Variants in NOL10 observed in about 807,000 individuals in gnomAD.
NOL10 encodes H_NH0074G24.1.
In NOL10, 58 loss-of-function variants were observed where a neutral mutation model predicts 103.5. That is an observed-to-expected ratio of 0.56 (90% CI 0.45 to 0.70). The LOEUF is 0.70. NOL10 is among the 30% of genes least tolerant of loss of function. The pLI, the probability that NOL10 is intolerant of heterozygous loss-of-function variation, is 0.00. For synonymous variants in NOL10, 287 were observed against 282.5 expected, an observed-to-expected ratio of 1.02 and a Z score of -0.16; for missense variants, 763 against 807.3, an observed-to-expected ratio of 0.95 and a Z score of 0.67.
At chr2:10,586,319 G>A (rs1675020460) in intron 19 of NOL10, among the ~76,000 whole-genome samples, 1 of 151,916 alleles carries the variant, frequency 6.6e-6, no homozygotes, top group East Asian at 1.9e-4. Flanking sequence ...TGAATTGTAT[G>A]CTACATTACT....
intron 12 of NOL10, among the ~76,000 whole-genome samples, chr2:10,654,049 T>C (rs1195759738): frequency 1.3e-5 from 2 of 152,194 alleles, no homozygotes; most frequent in South Asian, 2.1e-4. Context: ...GCATACAACT[T>C]AGAATTTACA....
chr2:10,679,358 TC>T (rs1364023216), intron 3 of NOL10, among the ~76,000 whole-genome samples: 2 of 98,182 alleles, frequency 2.0e-5, no homozygotes, highest in Non-Finnish European at 3.8e-5. Flanking sequence ...AAACTCTGCC[TC>T]AAAAAAAAAA....
chr2:10,589,228 A>C lies in NOL10; in HGVS notation c.1659T>G (p.Asp553Glu). 1 of 1,613,850 alleles carries C rather than the reference A, an allele frequency of 6.2e-7. No individual in the cohort carries two copies. Among genetic ancestry groups the C allele is most frequent in the Non-Finnish European group, 8.5e-7 (1 of 1,179,872 alleles). The change falls in exon 19 of 21, where the codon GAT (aspartate) becomes GAG (glutamate). Residue 553 changes from aspartate (D) to glutamate (E), a missense_variant. Transcript: ENST00000381685. ...TGACCTCTTCAACCCAGGCTTTTTCATCATCTGAACTCTCCGAACTTTCTG... is the reference window on the plus strand; with the variant it reads ...TGACCTCTTCAACCCAGGCTTTTTCCTCATCTGAACTCTCCGAACTTTCTG... Reference protein sequence around the residue: ...SDAESSESSDDEKAWVEEVRK... With the variant: ...SDAESSESSDEEKAWVEEVRK...
intron 9 of NOL10, among the ~76,000 whole-genome samples, chr2:10,660,022 AG>A (rs1319373544): frequency 6.6e-6 from 1 of 152,186 alleles, no homozygotes; most frequent in Non-Finnish European, 1.5e-5. Context: ...CAGCACCAAA[AG>A]CAATGATCTC....
At chr2:10,592,016 A>C (rs1558274751) in intron 17 of NOL10, among the ~76,000 whole-genome samples, 1 of 151,718 alleles carries the variant, frequency 6.6e-6, no homozygotes. Context: ...ACAAACAAAC[A>C]AACAAACAAA....
chr2:10,649,925 GA>G (rs1178399155), intron 12 of NOL10, among the ~76,000 whole-genome samples: 2 of 152,080 alleles, frequency 1.3e-5, no homozygotes, highest in African/African-American at 4.8e-5. Context: ...ACTCTTCTTA[GA>G]TTTTTTTTTC....
At chr2:10,627,061 CTG>C (rs949475383) in intron 13 of NOL10, among the ~76,000 whole-genome samples, 70 of 152,336 alleles carry the variant, frequency 4.6e-4, no homozygotes, top group African/African-American at 1.7e-3. Context: ...GCCACAGATA[CTG>C]TTACTACCTG....
At chr2:10,682,122 T>C (rs1558356328) in intron 2 of NOL10, 53 bp from the exon 3 acceptor site, 1 of 767,900 alleles carries the variant, frequency 1.3e-6, no homozygotes, top group Non-Finnish European at 2.0e-6. Flanking sequence ...TTATTCTCTA[T>C]CATAAGAAGA....
chr2:10,684,277 A>AC (rs1681994911), intron 2 of NOL10, among the ~76,000 whole-genome samples: 1 of 32,218 alleles, frequency 3.1e-5, no homozygotes, highest in Non-Finnish European at 7.7e-5. Context: ...ACTCCATCTC[A>AC]AAAAAAAAAA....
chr2:10,571,807 A>T lies in NOL10; in HGVS notation c.*264T>A, dbSNP rs1674191434. The T allele has an allele frequency of 3.1e-6, 1 of 325,444 alleles. No homozygotes were observed. The highest frequency in any genetic ancestry group is 5.3e-5 in the East Asian group (1 of 18,704). 20.2% of individuals were successfully genotyped at this position (325,444 alleles called of 1,614,324 possible). On this transcript the variant is annotated 3_prime_UTR_variant, in exon 21 of 21. Transcript: ENST00000381685. ...TTAAAAAAACCCCAGCCTGGTTTTC[A>T]TGATTAACGCCGTGGGGAAAGGACA...
At chr2:10,610,279 C>T (rs1055562638) in intron 13 of NOL10, among the ~76,000 whole-genome samples, 1 of 152,198 alleles carries the variant, frequency 6.6e-6, no homozygotes, top group South Asian at 2.1e-4. Context: ...GGCAGGAATA[C>T]TAAAACAGTC....
At chr2:10,613,391 C>T (rs1035292886) in intron 13 of NOL10, among the ~76,000 whole-genome samples, 3 of 152,140 alleles carry the variant, frequency 2.0e-5, no homozygotes, top group Non-Finnish European at 4.4e-5. Flanking sequence ...CAATCAAGTA[C>T]AATACAATGG....
At chr2:10,684,019 C>T (rs1220152980) in intron 2 of NOL10, among the ~76,000 whole-genome samples, 1 of 152,150 alleles carries the variant, frequency 6.6e-6, no homozygotes, top group Admixed American at 6.5e-5. Flanking sequence ...TGGCTCACAC[C>T]TGTAATCCCA....
intron 13 of NOL10, among the ~76,000 whole-genome samples, chr2:10,620,310 A>AG (rs761792153): frequency 1.2e-4 from 18 of 152,246 alleles, no homozygotes; most frequent in African/African-American, 4.1e-4. Flanking sequence ...AAAAATACCC[A>AG]GGGGGGGAAA....
chr2:10,672,154 C>A (rs888695259), intron 5 of NOL10, among the ~76,000 whole-genome samples: 3 of 151,958 alleles, frequency 2.0e-5, no homozygotes, highest in Admixed American at 2.0e-4. Context: ...ATGGAGAAAC[C>A]CCATCTCTAC....
chr2:10,659,097 G>T, intron 10 of NOL10, 75 bp downstream of exon 10: 1 of 960,406 alleles, frequency 1.0e-6, no homozygotes, highest in Non-Finnish European at 1.6e-6. Flanking sequence ...TGTTCCTGCA[G>T]TGTATTTCTC....
At chr2:10,638,652 C>T (rs1377514934) in intron 13 of NOL10, among the ~76,000 whole-genome samples, 2 of 150,772 alleles carry the variant, frequency 1.3e-5, no homozygotes, top group African/African-American at 4.9e-5. Context: ...CAATGACCCC[C>T]GGCTGATTTT....
intron 13 of NOL10, among the ~76,000 whole-genome samples, chr2:10,616,128 A>T (rs771875078): frequency 8.5e-5 from 13 of 152,090 alleles, no homozygotes; most frequent in Non-Finnish European, 1.8e-4. Flanking sequence ...GAAAGGTCCC[A>T]GAAGACAGAC....
At chr2:10,688,646 C>T (rs1299625365) in intron 1 of NOL10, among the ~76,000 whole-genome samples, 1 of 152,224 alleles carries the variant, frequency 6.6e-6, no homozygotes, top group East Asian at 1.9e-4. Flanking sequence ...ACGAAAAGTA[C>T]TTTTTGACTA....
Sources: allele counts gnomAD v4.1 joint callset (sites outside exome capture counted in the v4.1 genomes callset), GRCh38; gene constraint gnomAD v4.1.1; transcripts MANE v1.5; gene names NCBI Gene and HGNC (gene_info 2026-07-23, HGNC 2026-07-21).